GPC5: variants seen among roughly 807,000 people sequenced by gnomAD.
The protein encoded by GPC5 is glypican-5.
GPC5 carries 47 observed loss-of-function variants against 53.9 expected under a neutral mutation model. That is an observed-to-expected ratio of 0.87 (90% CI 0.69 to 1.11). The LOEUF (loss-of-function observed/expected upper bound fraction) is 1.11. GPC5 is among the 50% of genes most tolerant of loss of function. GPC5 has a pLI of 0.00. For missense variants in GPC5, 748 were observed against 713.1 expected, an observed-to-expected ratio of 1.05 and a Z score of -0.56; for synonymous variants, 286 against 263.3, an observed-to-expected ratio of 1.09 and a Z score of -0.84.
chr13:92,748,530 C>G (rs1031293278), intron 7 of GPC5, among the ~76,000 whole-genome samples: 5 of 151,716 alleles, frequency 3.3e-5, no homozygotes, highest in African/African-American at 1.2e-4. Context: ...ACCATCTTGG[C>G]CAGGCTGGTC....
At chr13:91,729,531 A>C (rs1237602933) in intron 4 of GPC5, among the ~76,000 whole-genome samples, 1 of 152,174 alleles carries the variant, frequency 6.6e-6, no homozygotes, top group Non-Finnish European at 1.5e-5. Context: ...TAAGCTTTCT[A>C]TAATCTAAAA....
intron 2 of GPC5, among the ~76,000 whole-genome samples, chr13:91,559,704 G>A (rs1464170788): frequency 6.6e-6 from 1 of 152,004 alleles, no homozygotes. Flanking sequence ...TGTGTCTGAG[G>A]TGACTACCCC....
At chr13:92,225,705 A>C (rs1036436715) in intron 7 of GPC5, among the ~76,000 whole-genome samples, 2 of 152,182 alleles carry the variant, frequency 1.3e-5, no homozygotes, top group African/African-American at 4.8e-5. Context: ...CATGCATCAT[A>C]ATATGAACTC....
intron 5 of GPC5, among the ~76,000 whole-genome samples, chr13:91,834,282 G>T (rs567528906): frequency 6.6e-6 from 1 of 152,236 alleles, no homozygotes; most frequent in South Asian, 2.1e-4. Context: ...CATGCTCATG[G>T]ATAGAAAGAA....
At chr13:91,585,151 G>T (rs77885757) in intron 2 of GPC5, among the ~76,000 whole-genome samples, 15 of 152,024 alleles carry the variant, frequency 9.9e-5, no homozygotes, top group Non-Finnish European at 2.1e-4. Flanking sequence ...AATATGAAAA[G>T]ATTGCCAATA....
At chr13:92,322,781 A>T (rs1349428874) in intron 7 of GPC5, among the ~76,000 whole-genome samples, 1 of 152,154 alleles carries the variant, frequency 6.6e-6, no homozygotes, top group African/African-American at 2.4e-5. Context: ...TTGAAGACTC[A>T]ATTTACCCTC....
intron 5 of GPC5, among the ~76,000 whole-genome samples, chr13:91,897,603 G>A (rs1164823141): frequency 2.6e-5 from 4 of 152,074 alleles, no homozygotes; most frequent in African/African-American, 4.8e-5. Flanking sequence ...TTCATAGAGC[G>A]TTGGTGATGG....
intron 7 of GPC5, among the ~76,000 whole-genome samples, chr13:92,785,904 T>C (rs1298045257): frequency 1.3e-5 from 2 of 152,232 alleles, no homozygotes; most frequent in African/African-American, 4.8e-5. Context: ...TGAGTTCTTA[T>C]ATGTTAAGTG....
chr13:91,490,719 G>A (rs1370657184), intron 2 of GPC5, among the ~76,000 whole-genome samples: 3 of 152,138 alleles, frequency 2.0e-5, no homozygotes, highest in African/African-American at 7.2e-5. Context: ...ACCTGTCTAG[G>A]TCCAGCCCAG....
intron 1 of GPC5, among the ~76,000 whole-genome samples, chr13:91,443,320 A>C (rs910700647): frequency 1.3e-5 from 2 of 152,202 alleles, no homozygotes; most frequent in African/African-American, 2.4e-5. Flanking sequence ...GGACACCAGA[A>C]GTCTGCATGC....
In GPC5 at chr13:91,698,995, G is replaced by T. The variant is rs578262170; in HGVS notation, c.1020+5114G>T. On this transcript the variant is annotated intron_variant, in intron 3 of 7. Coordinates refer to ENST00000377067, the MANE Select transcript of GPC5 (RefSeq NM_004466.6). ...ACAGCTCCTGTGATGCCACAGACCT[G>T]AGGGTGAGGACCCCTGGGTTAAAGA... 8.2e-4 allele frequency among the ~76,000 whole-genome samples: 125 copies of T among 152,310 alleles called. 1 individual carries two copies. The highest frequency in any genetic ancestry group is 2.3e-3 in the African/African-American group (94 of 41,554).
intron 7 of GPC5, among the ~76,000 whole-genome samples, chr13:92,167,948 G>A (rs116168245): frequency 0.012 from 1,900 of 152,100 alleles, 33 homozygotes; most frequent in African/African-American, 0.044. Flanking sequence ...TAGATCCAAC[G>A]AGGAGGTCCA....
At chr13:92,378,575 C>G (rs2043713586) in intron 7 of GPC5, among the ~76,000 whole-genome samples, 1 of 152,050 alleles carries the variant, frequency 6.6e-6, no homozygotes, top group African/African-American at 2.4e-5. Flanking sequence ...GCCAAGGAGA[C>G]CTTTATTCAA....
At chr13:92,058,484 C>A (rs574183541) in intron 6 of GPC5, among the ~76,000 whole-genome samples, 1 of 152,180 alleles carries the variant, frequency 6.6e-6, no homozygotes, top group Non-Finnish European at 1.5e-5. Context: ...CATTTTTTAA[C>A]CAACATTTAC....
At chr13:92,296,706 C>T (rs537140552) in intron 7 of GPC5, among the ~76,000 whole-genome samples, 40 of 152,306 alleles carry the variant, frequency 2.6e-4, no homozygotes, top group East Asian at 1.9e-3. Flanking sequence ...GCGGCGCTTG[C>T]GGGCCAGCTG....
intron 3 of GPC5, among the ~76,000 whole-genome samples, chr13:91,719,557 C>T (rs151289498): frequency 2.6e-5 from 4 of 152,172 alleles, no homozygotes; most frequent in Non-Finnish European, 4.4e-5. Flanking sequence ...CTAACTTACT[C>T]CATTATTTTT....
At chr13:92,336,558 AGT>A (rs60364101) in intron 7 of GPC5, among the ~76,000 whole-genome samples, 44,815 of 151,912 alleles carry the variant, frequency 0.3, 6,791 homozygotes, top group South Asian at 0.41. Context: ...ATGTTGTCTG[AGT>A]AGAGATGGAA....
chr13:92,413,824 A>G (rs927973809), intron 7 of GPC5, among the ~76,000 whole-genome samples: 6 of 152,204 alleles, frequency 3.9e-5, no homozygotes, highest in African/African-American at 1.4e-4. Context: ...GGCTGAGATG[A>G]GGCTATTTGA....
At chr13:92,839,602 C>T (rs1290117723) in intron 7 of GPC5, among the ~76,000 whole-genome samples, 1 of 152,088 alleles carries the variant, frequency 6.6e-6, no homozygotes, top group Non-Finnish European at 1.5e-5. Context: ...TGGCCTCCAG[C>T]TCCATCCATG....
Sources: gnomAD v4.1 joint callset for allele counts (sites outside exome capture counted in the v4.1 genomes callset) on GRCh38, gnomAD v4.1.1 for gene constraint, MANE v1.5 for transcripts, NCBI Gene and HGNC (gene_info 2026-07-23, HGNC 2026-07-21) for gene names.